The following CSMD1 variants were observed in gnomAD, a reference collection of about 807,000 sequenced individuals.
CSMD1 encodes CUB and Sushi multiple domains 1.
In CSMD1, 213 loss-of-function variants were observed where a neutral mutation model predicts 417.5. That is an observed-to-expected ratio of 0.51 (90% confidence interval 0.46 to 0.57). The LOEUF (loss-of-function observed/expected upper bound fraction) is 0.57, where lower values mean the gene tolerates loss of function less well. CSMD1 is among the 20% of genes least tolerant of loss of function. The pLI is 0.00. For missense variants in CSMD1, 6,923 were observed against 4,529.7 expected (o/e 1.53, Z -15.17); for synonymous variants, 2,862 against 1,736.8 (o/e 1.65, Z -16.11).
chr8:3,010,598 C>T (rs1322702972), intron 52 of CSMD1, among the ~76,000 whole-genome samples: 7 of 152,112 alleles, frequency 4.6e-5, no homozygotes, highest in African/African-American at 1.7e-4. Context: ...ATGGCTTTAC[C>T]CCATGCCTGC....
At chr8:4,577,272 T>A (rs962901599) in intron 2 of CSMD1, among the ~76,000 whole-genome samples, 1 of 152,228 alleles carries the variant, frequency 6.6e-6, no homozygotes, top group Non-Finnish European at 1.5e-5. Flanking sequence ...GCTCCTCAGA[T>A]GGGCTGACTT....
At chr8:4,336,439 T>C (rs1800177278) in intron 3 of CSMD1, among the ~76,000 whole-genome samples, 1 of 152,286 alleles carries the variant, frequency 6.6e-6, no homozygotes. Flanking sequence ...GGTCAGTTAA[T>C]GTCAGCATCT....
At chr8:4,933,991 G>T (rs187563870) in intron 1 of CSMD1, among the ~76,000 whole-genome samples, 1 of 150,442 alleles carries the variant, frequency 6.6e-6, no homozygotes, top group African/African-American at 2.5e-5. Flanking sequence ...AGTTACTTAC[G>T]TTTATGCTTT....
In CSMD1 at chr8:4,844,233, G is replaced by T. The variant is rs144575148; in HGVS notation, c.85+150099C>A. On this transcript the variant is annotated intron_variant, in intron 1 of 69. Transcript: ENST00000635120. ...GCACCTGGTAATTTCAAGTAGTAAG[G>T]TTACATTTTCCAGCTAAAACTAGCA... Among the ~76,000 whole-genome samples the T allele has an allele frequency of 6.9e-3, 1,048 of 152,182 alleles. 10 individuals carry two copies. Among genetic ancestry groups the T allele is most frequent in the African/African-American group, 0.024 (989 of 41,526 alleles).
intron 3 of CSMD1, among the ~76,000 whole-genome samples, chr8:4,140,069 A>C (rs1035078412): frequency 1.3e-5 from 2 of 151,012 alleles, no homozygotes; most frequent in African/African-American, 5.0e-5. Context: ...AAATAAGACA[A>C]TAGCCAGGTA....
chr8:3,857,009 G>A (rs140001009), intron 5 of CSMD1, among the ~76,000 whole-genome samples: 1 of 152,148 alleles, frequency 6.6e-6, no homozygotes, highest in East Asian at 1.9e-4. Flanking sequence ...TTTTTGTAAT[G>A]GCATGGCAAT....
chr8:3,681,587 T>C (rs886619410), intron 7 of CSMD1, among the ~76,000 whole-genome samples: 2 of 151,896 alleles, frequency 1.3e-5, no homozygotes, highest in Non-Finnish European at 2.9e-5. Context: ...ATAGGAAGAG[T>C]AAATATCGTC....
chr8:4,753,688 T>C (rs1811489557), intron 1 of CSMD1, among the ~76,000 whole-genome samples: 1 of 152,184 alleles, frequency 6.6e-6, no homozygotes, highest in South Asian at 2.1e-4. Flanking sequence ...GTGTCTCTTC[T>C]GACCTTCTGC....
chr8:3,863,889 G>A (rs1009163992), intron 5 of CSMD1, among the ~76,000 whole-genome samples: 1 of 152,072 alleles, frequency 6.6e-6, no homozygotes, highest in Non-Finnish European at 1.5e-5. Flanking sequence ...TTCGTATGAT[G>A]ACTATAAAAC....
intron 11 of CSMD1, among the ~76,000 whole-genome samples, chr8:3,491,573 G>T (rs1041597946): frequency 1.3e-5 from 2 of 152,166 alleles, no homozygotes; most frequent in Admixed American, 1.3e-4. Flanking sequence ...CTAGAGGGAG[G>T]TGTTCTCTTG....
At position 4,188,106 on chromosome 8, in the gene CSMD1, G is replaced by C. The variant is rs74841776; in HGVS notation, c.416-156007C>G. 1.6e-3 allele frequency among the ~76,000 whole-genome samples: 238 copies of C among 152,228 alleles called. 2 individuals are homozygous for C. The highest frequency in any genetic ancestry group is 5.7e-3 in the African/African-American group (235 of 41,532). On this transcript the variant is annotated intron_variant, in intron 3 of 69. Transcript: ENST00000635120. ...TGACTGCTGGCAGGATGCACGACAT[G>C]TAATTAAAAACATAGGTTTTAAGGT...
chr8:4,069,018 T>C (rs941326669), intron 3 of CSMD1, among the ~76,000 whole-genome samples: 1 of 152,258 alleles, frequency 6.6e-6, no homozygotes, highest in Non-Finnish European at 1.5e-5. Context: ...AGTTGATTTT[T>C]ACTTTGCTTA....
At chr8:3,453,581 T>C (rs936054412) in intron 12 of CSMD1, among the ~76,000 whole-genome samples, 7 of 152,210 alleles carry the variant, frequency 4.6e-5, no homozygotes, top group African/African-American at 1.7e-4. Context: ...CAAGTAGTCA[T>C]TGAGGAGCAG....
chr8:4,288,700 C>T (rs764641736), intron 3 of CSMD1, among the ~76,000 whole-genome samples: 10 of 152,130 alleles, frequency 6.6e-5, no homozygotes, highest in Non-Finnish European at 1.2e-4. Context: ...GTAGAGTCTT[C>T]TAGTGGATTT....
chr8:3,294,356 A>G (rs1009556142), intron 25 of CSMD1, among the ~76,000 whole-genome samples: 8 of 152,168 alleles, frequency 5.3e-5, no homozygotes, highest in African/African-American at 1.9e-4. Flanking sequence ...AAGCTGTCAG[A>G]CAGGGACATT....
intron 2 of CSMD1, among the ~76,000 whole-genome samples, chr8:4,471,309 A>G (rs1436391567): frequency 6.6e-6 from 1 of 152,202 alleles, no homozygotes; most frequent in East Asian, 1.9e-4. Context: ...GTTGGTAAAA[A>G]GCTGGAAAAG....
At chr8:3,997,837 C>G in intron 5 of CSMD1, 66 bp downstream of exon 5, 2 of 1,379,464 alleles carry the variant, frequency 1.4e-6, no homozygotes, top group South Asian at 1.3e-5. Context: ...ATTCTTGAAG[C>G]TCGTTGGGGG....
chr8:4,259,025 G>C (rs1803683335), intron 3 of CSMD1, among the ~76,000 whole-genome samples: 2 of 152,102 alleles, frequency 1.3e-5, no homozygotes, highest in Admixed American at 1.3e-4. Context: ...TGGAAATGTT[G>C]AACTTTAAAG....
chr8:4,089,121 G>T, intron 3 of CSMD1, among the ~76,000 whole-genome samples: 1 of 152,180 alleles, frequency 6.6e-6, no homozygotes. Context: ...AATCCTCTCA[G>T]GGATTCCAGT....
Sources: allele counts gnomAD v4.1 joint callset (sites outside exome capture counted in the v4.1 genomes callset), GRCh38; gene constraint gnomAD v4.1.1; transcripts MANE v1.5; gene names NCBI Gene and HGNC (gene_info 2026-07-23, HGNC 2026-07-21).